The following MARCHF1 variants were observed in gnomAD, a reference collection of about 807,000 sequenced individuals.
MARCHF1 encodes the protein membrane associated ring-CH-type finger 1, also known as E3 ubiquitin-protein ligase MARCHF1.
A neutral mutation model predicts 54.2 loss-of-function variants in MARCHF1; 40 were observed. The observed-to-expected ratio is 0.74, with a 90% CI of 0.57 to 0.96. The LOEUF is 0.96. Ranked by LOEUF, MARCHF1 falls within the 40% of genes least tolerant of loss-of-function variation. MARCHF1 has a pLI of 0.00. For missense variants in MARCHF1, 586 were observed against 656.5 expected, an observed-to-expected ratio of 0.89 and a Z score of 1.17; for synonymous variants, 236 against 236.3, an observed-to-expected ratio of 1.00 and a Z score of 0.01.
chr4:164,287,911 T>A (rs1187333143), intron 1 of MARCHF1, among the ~76,000 whole-genome samples: 1 of 152,194 alleles, frequency 6.6e-6, no homozygotes, highest in Non-Finnish European at 1.5e-5. Flanking sequence ...ACCATTAGGT[T>A]ACATTAATTT....
At chr4:164,319,189 A>G (rs1735075188) in intron 1 of MARCHF1, among the ~76,000 whole-genome samples, 2 of 152,188 alleles carry the variant, frequency 1.3e-5, no homozygotes, top group Non-Finnish European at 1.5e-5. Flanking sequence ...TCCCTAAACC[A>G]TATAACACAG....
At chr4:163,664,878 G>A (rs1047941754) in intron 5 of MARCHF1, among the ~76,000 whole-genome samples, 1 of 151,698 alleles carries the variant, frequency 6.6e-6, no homozygotes, top group Non-Finnish European at 1.5e-5. Context: ...TATTTTCAAA[G>A]GCCCAAGAAA....
chr4:164,176,895 AT>A (rs1175084135), intron 1 of MARCHF1, among the ~76,000 whole-genome samples: 1 of 129,906 alleles, frequency 7.7e-6, no homozygotes, highest in East Asian at 2.3e-4. Flanking sequence ...ATTTTTCTTG[AT>A]TTTTTTCTTA....
chr4:164,188,157 T>C (rs887947644), intron 1 of MARCHF1, among the ~76,000 whole-genome samples: 1 of 152,158 alleles, frequency 6.6e-6, no homozygotes, highest in South Asian at 2.1e-4. Flanking sequence ...GTCCCAGAAA[T>C]TATTTCTCTC....
chr4:163,937,374 CTTTAT>C (rs1190883478), intron 3 of MARCHF1, among the ~76,000 whole-genome samples: 2 of 151,756 alleles, frequency 1.3e-5, no homozygotes, highest in African/African-American at 4.8e-5. Context: ...TTTTTCACTT[CTTTAT>C]TTTATTATCA....
chr4:163,537,854 A>G (rs1272645826), intron 9 of MARCHF1, among the ~76,000 whole-genome samples: 3 of 152,206 alleles, frequency 2.0e-5, no homozygotes, highest in Non-Finnish European at 4.4e-5. Context: ...TGTTGATTTA[A>G]TATGATTATT....
intron 1 of MARCHF1, among the ~76,000 whole-genome samples, chr4:164,376,530 C>A (rs1401070181): frequency 1.3e-5 from 2 of 152,050 alleles, no homozygotes; most frequent in African/African-American, 2.4e-5. Context: ...TAAAGTGAAC[C>A]AGGGAGAGAG....
intron 2 of MARCHF1, among the ~76,000 whole-genome samples, chr4:164,048,398 A>G (rs2111036484): frequency 6.6e-6 from 1 of 152,308 alleles, no homozygotes; most frequent in Non-Finnish European, 1.5e-5. Flanking sequence ...AGTTATTTAT[A>G]AACAGAACTT....
intron 2 of MARCHF1, among the ~76,000 whole-genome samples, chr4:164,101,242 A>G (rs537787973): frequency 9.9e-5 from 15 of 152,238 alleles, no homozygotes; most frequent in South Asian, 8.3e-4. Flanking sequence ...CTGGAAGCTC[A>G]AACTGGGTGG....
intron 1 of MARCHF1, among the ~76,000 whole-genome samples, chr4:164,369,749 A>G (rs562178504): frequency 5.9e-5 from 9 of 152,282 alleles, no homozygotes; most frequent in African/African-American, 2.2e-4. Flanking sequence ...TAAATAAACT[A>G]CCCTATTTAA....
Position 163,612,314 on chromosome 4 carries a change from G to A in MARCHF1, c.967C>T (p.Pro323Ser), listed in dbSNP as rs1160845827. 2 of 1,524,524 alleles carry A rather than the reference G, an allele frequency of 1.3e-6. No homozygotes were observed. The highest frequency in any genetic ancestry group is 8.7e-7 in the Non-Finnish European group (1 of 1,143,482). 94.4% of individuals were successfully genotyped at this position (1,524,524 alleles called of 1,614,324 possible). Residue 323 changes from proline (P) to serine (S), a missense_variant, in exon 7 of 10, where the codon CCT becomes TCT. Transcript: ENST00000514618. ...LQVNNPVQKP[P>S]ATYDDGSDNL... is the part of the protein sequence containing the mutation. ...TCAGACCCATCGTCATAGGTGGCAG[G>A]AGGCTTCTGAACAGGGTTATTCACC...
chr4:163,768,369 A>T (rs1483193179), intron 4 of MARCHF1, among the ~76,000 whole-genome samples: 1 of 152,196 alleles, frequency 6.6e-6, no homozygotes, highest in Non-Finnish European at 1.5e-5. Context: ...AACTTCAATG[A>T]GTTATGGACA....
At chr4:164,294,069 C>T (rs1199016113) in intron 1 of MARCHF1, among the ~76,000 whole-genome samples, 1 of 152,182 alleles carries the variant, frequency 6.6e-6, no homozygotes, top group Non-Finnish European at 1.5e-5. Flanking sequence ...TTTTCTCCTA[C>T]ACTGTATACT....
At chr4:164,349,581 G>A (rs997428864) in intron 1 of MARCHF1, among the ~76,000 whole-genome samples, 2 of 151,786 alleles carry the variant, frequency 1.3e-5, no homozygotes, top group African/African-American at 4.8e-5. Flanking sequence ...TCCTTTTATG[G>A]GAATGCTTCT....
At chr4:163,758,483 T>C (rs1746741259) in intron 4 of MARCHF1, among the ~76,000 whole-genome samples, 1 of 150,950 alleles carries the variant, frequency 6.6e-6, no homozygotes, top group Non-Finnish European at 1.5e-5. Flanking sequence ...AGGTATTAAT[T>C]AAAATTCAAA....
chr4:163,737,170 T>C (rs1169398680), intron 4 of MARCHF1, among the ~76,000 whole-genome samples: 1 of 73,196 alleles, frequency 1.4e-5, no homozygotes, highest in African/African-American at 3.2e-5. Context: ...CTTTCTTTTT[T>C]TTTTTTTTTT....
intron 3 of MARCHF1, among the ~76,000 whole-genome samples, chr4:163,940,509 CTGTG>C (rs896700892): frequency 2.0e-5 from 3 of 151,530 alleles, no homozygotes; most frequent in African/African-American, 7.3e-5. Flanking sequence ...GTGTGTGTTT[CTGTG>C]TGTGTGTGTT....
intron 2 of MARCHF1, among the ~76,000 whole-genome samples, chr4:164,002,353 A>G (rs1753201788): frequency 6.6e-6 from 1 of 151,756 alleles, no homozygotes; most frequent in Admixed American, 6.6e-5. Flanking sequence ...AATCGATATA[A>G]GTAAAAAAAC....
intron 2 of MARCHF1, among the ~76,000 whole-genome samples, chr4:164,005,913 T>C (rs1044407002): frequency 1.3e-5 from 2 of 152,038 alleles, no homozygotes; most frequent in African/African-American, 4.8e-5. Context: ...ATCTAAGGAA[T>C]CACCTAGAAC....
Sources: gnomAD v4.1 joint callset for allele counts (sites outside exome capture counted in the v4.1 genomes callset) on GRCh38, gnomAD v4.1.1 for gene constraint, MANE v1.5 for transcripts, NCBI Gene and HGNC (gene_info 2026-07-23, HGNC 2026-07-21) for gene names.